RAD51B: variants seen among roughly 807,000 people sequenced by gnomAD.
RAD51B encodes RAD51 paralog B.
A neutral mutation model predicts 42.2 loss-of-function variants in RAD51B; 38 were observed. That is an observed-to-expected ratio of 0.90 (90% confidence interval 0.70 to 1.18). The LOEUF (loss-of-function observed/expected upper bound fraction) is 1.18, where lower values mean the gene tolerates loss of function less well. RAD51B is among the 50% of genes most tolerant of loss of function. RAD51B has a pLI of 0.00. For missense variants in RAD51B, 373 were observed against 400.7 expected, an observed-to-expected ratio of 0.93 and a Z score of 0.59; for synonymous variants, 154 against 145.2, an observed-to-expected ratio of 1.06 and a Z score of -0.43.
intron 8 of RAD51B, among the ~76,000 whole-genome samples, chr14:68,401,790 C>T (rs929166140): frequency 5.3e-5 from 8 of 152,058 alleles, no homozygotes; most frequent in African/African-American, 1.4e-4. Flanking sequence ...ATCTGAAAGA[C>T]GACTAATAGC....
At chr14:68,050,768 A>G (rs540842823) in intron 7 of RAD51B, among the ~76,000 whole-genome samples, 43 of 152,052 alleles carry the variant, frequency 2.8e-4, no homozygotes, top group Non-Finnish European at 3.7e-4. Context: ...GTGTTTTTGC[A>G]TTCATCAAAC....
chr14:68,100,186 A>G (rs1263036780), intron 7 of RAD51B, among the ~76,000 whole-genome samples: 1 of 152,160 alleles, frequency 6.6e-6, no homozygotes, highest in Admixed American at 6.5e-5. Context: ...GACCTCAACT[A>G]TAGAAGGTAG....
chr14:68,241,779 G>A (rs1408782341), intron 7 of RAD51B, among the ~76,000 whole-genome samples: 1 of 152,026 alleles, frequency 6.6e-6, no homozygotes, highest in East Asian at 1.9e-4. Flanking sequence ...ACCATCAAAT[G>A]ATTCCCCTGC....
At chr14:68,598,327 C>T (rs529948256), downstream of RAD51B, among the ~76,000 whole-genome samples, 1 of 152,240 alleles carries the variant, frequency 6.6e-6, no homozygotes, top group South Asian at 2.1e-4. Flanking sequence ...ATGCTTAAGA[C>T]CAAGGATTCA....
At chr14:68,620,900 C>A (rs376370848) in intron 10 of RAD51B, among the ~76,000 whole-genome samples, 2 of 152,296 alleles carry the variant, frequency 1.3e-5, no homozygotes, top group Admixed American at 6.5e-5. Flanking sequence ...TTGGCTGATA[C>A]AGGAGCCAGG....
chr14:68,468,342 A>G, intron 10 of RAD51B, 92 bp downstream of exon 10: 1 of 1,333,858 alleles, frequency 7.5e-7, no homozygotes, highest in Non-Finnish European at 1.1e-6. Flanking sequence ...GATAGAAGCT[A>G]GCTCCAGACA....
intron 8 of RAD51B, among the ~76,000 whole-genome samples, chr14:68,317,444 C>T (rs900403386): frequency 2.0e-5 from 3 of 151,932 alleles, no homozygotes; most frequent in Non-Finnish European, 2.9e-5. Context: ...GTCATAAATT[C>T]TGTGGTAAAG....
At chr14:67,957,249 C>G (rs1366188257) in intron 7 of RAD51B, among the ~76,000 whole-genome samples, 2 of 152,200 alleles carry the variant, frequency 1.3e-5, no homozygotes, top group Non-Finnish European at 2.9e-5. Flanking sequence ...AAAGCAGAAT[C>G]CAACTGCAGG....
Position 68,580,024 on chromosome 14 carries a change from C to T in RAD51B, c.1037-14461C>T, listed in dbSNP as rs546238492. Among the ~76,000 whole-genome samples the T allele has an allele frequency of 7.9e-5, 12 of 152,328 alleles. No individual in the cohort carries two copies. The East Asian group carries it at 2.3e-3, about 29-fold the overall frequency. ...ACAGGAAAGGGAAGGGCCCGCAATGCCAGCATGGAGCTTCGAAGGGGACTT... is the reference window on the plus strand; with the variant it reads ...ACAGGAAAGGGAAGGGCCCGCAATGTCAGCATGGAGCTTCGAAGGGGACTT... On this transcript the variant is annotated intron_variant, in intron 10 of 10. Coordinates refer to the RAD51B transcript ENST00000487270.
At chr14:68,294,686 T>A (rs1378807311) in intron 8 of RAD51B, among the ~76,000 whole-genome samples, 1 of 152,226 alleles carries the variant, frequency 6.6e-6, no homozygotes, top group East Asian at 1.9e-4. Flanking sequence ...TCAGGAGCAT[T>A]CACCCACTGA....
At chr14:67,820,712 A>T (rs1161274541) in intron 1 of RAD51B, among the ~76,000 whole-genome samples, 1 of 152,136 alleles carries the variant, frequency 6.6e-6, no homozygotes, top group East Asian at 1.9e-4. Context: ...AGGATGCGTG[A>T]CCTACCAATA....
rs34442848 is a variant in RAD51B, at chr14:68,319,739, G to A, written c.853+27759G>A. On this transcript the variant is annotated intron_variant, in intron 8 of 10. Transcript: ENST00000471583. The stretch of plus-strand genomic sequence containing the variant: ...ATCTAAAGTGCTTAGCTTCTTTAGG[G>A]TAGCTCCACACCCTTTTTAATTCTT... Among the ~76,000 whole-genome samples, 3 of 152,246 alleles carry A rather than the reference G, an allele frequency of 2.0e-5. No homozygotes were observed. The South Asian group carries it at 6.2e-4, about 32-fold the overall frequency.
chr14:68,253,243 A>G (rs1332878188), intron 7 of RAD51B, among the ~76,000 whole-genome samples: 2 of 152,026 alleles, frequency 1.3e-5, no homozygotes, highest in East Asian at 1.9e-4. Context: ...TTTTCAGTGT[A>G]TTTGTTTATT....
intron 10 of RAD51B, among the ~76,000 whole-genome samples, chr14:68,550,352 A>G (rs10141352): frequency 0.03 from 4,575 of 152,292 alleles, 217 homozygotes; most frequent in African/African-American, 0.1. Flanking sequence ...TATTCATGGA[A>G]TCTTTCATGC....
chr14:68,657,754 G>A (rs566024583), intron 11 of RAD51B, among the ~76,000 whole-genome samples: 1 of 152,364 alleles, frequency 6.6e-6, no homozygotes, highest in African/African-American at 2.4e-5. Flanking sequence ...AGGTCCAGAA[G>A]TGCCAGGACA....
chr14:68,212,377 A>G (rs1179023722), intron 7 of RAD51B, among the ~76,000 whole-genome samples: 1 of 152,216 alleles, frequency 6.6e-6, no homozygotes, highest in Non-Finnish European at 1.5e-5. Context: ...AAATTAGACA[A>G]TCCATGTAAA....
chr14:68,155,555 T>C (rs2078484745), intron 7 of RAD51B, among the ~76,000 whole-genome samples: 2 of 152,102 alleles, frequency 1.3e-5, no homozygotes, highest in African/African-American at 4.8e-5. Flanking sequence ...TGCTTTGTTA[T>C]TTGGGCTTCA....
intron 8 of RAD51B, among the ~76,000 whole-genome samples, chr14:68,406,027 G>A (rs1820380273): frequency 6.6e-6 from 1 of 152,098 alleles, no homozygotes; most frequent in South Asian, 2.1e-4. Context: ...TAGAATTAAG[G>A]ATGTAAATCT....
chr14:68,044,736 C>T (rs181733090), intron 7 of RAD51B, among the ~76,000 whole-genome samples: 65 of 152,024 alleles, frequency 4.3e-4, no homozygotes, highest in African/African-American at 1.5e-3. Context: ...CTCTATACCC[C>T]TCTTTGCTTG....
Sources: gnomAD v4.1 joint callset for allele counts (sites outside exome capture counted in the v4.1 genomes callset) on GRCh38, gnomAD v4.1.1 for gene constraint, MANE v1.5 for transcripts, NCBI Gene and HGNC (gene_info 2026-07-23, HGNC 2026-07-21) for gene names.